ELOVL6: variants seen among roughly 807,000 people sequenced by gnomAD.
ELOVL6 encodes ELOVL fatty acid elongase 6.
ELOVL6 carries 8 observed loss-of-function variants against 31.7 expected under a neutral mutation model. That is an observed-to-expected ratio of 0.25 (90% confidence interval 0.15 to 0.45). ELOVL6 has a LOEUF of 0.45. ELOVL6 is among the 20% of genes least tolerant of loss of function. The pLI is 1.00. For synonymous variants in ELOVL6, 101 were observed against 117.7 expected, an observed-to-expected ratio of 0.86 and a Z score of 0.92; for missense variants, 126 against 326.4, an observed-to-expected ratio of 0.39 and a Z score of 4.73.
chr4:110,184,765 G>A (rs557223665), intron 1 of ELOVL6, among the ~76,000 whole-genome samples: 21 of 152,288 alleles, frequency 1.4e-4, no homozygotes, highest in Admixed American at 7.2e-4. Context: ...GCTGAGCTAT[G>A]TACTGGTCCC....
At chr4:110,197,876 A>C (rs888242423) in intron 1 of ELOVL6, 2 of 275,586 alleles carry the variant, frequency 7.3e-6, no homozygotes, top group South Asian at 4.5e-5. Flanking sequence ...AAGCGAGAAA[A>C]CCCAAATCTA....
At chr4:110,109,934 G>C (rs1469147737) in intron 1 of ELOVL6, among the ~76,000 whole-genome samples, 2 of 152,204 alleles carry the variant, frequency 1.3e-5, no homozygotes, top group Non-Finnish European at 2.9e-5. Flanking sequence ...GGTACAAGGA[G>C]ATGGGAAAGT....
intron 1 of ELOVL6, among the ~76,000 whole-genome samples, chr4:110,158,116 C>G (rs1396564214): frequency 6.6e-6 from 1 of 152,166 alleles, no homozygotes. Context: ...ATATTATGCT[C>G]TTGCCCTTGT....
At position 110,176,864 on chromosome 4, in the gene ELOVL6, T is replaced by A. The variant is rs563480803; in HGVS notation, c.89+21383A>T. 6.0e-4 allele frequency among the ~76,000 whole-genome samples: 92 copies of A among 152,282 alleles called. No individual in the cohort carries two copies. In the East Asian group the frequency reaches 0.014, roughly 23 times the overall value. On this transcript the variant is annotated intron_variant, in intron 1 of 3. Coordinates refer to ENST00000302274, the MANE Select transcript of ELOVL6 (RefSeq NM_024090.3). ...GATTCTCCTGCCTCAGCCTCCCGAG[T>A]AGCTGGGATTACAGGCATGTGCCAC...
At chr4:110,091,803 G>A (rs963751637) in intron 2 of ELOVL6, among the ~76,000 whole-genome samples, 20 of 152,132 alleles carry the variant, frequency 1.3e-4, no homozygotes, top group African/African-American at 4.8e-4. Flanking sequence ...TCAAATGAAA[G>A]GAGCAAAAGA....
At chr4:110,166,463 T>C (rs2126271481) in intron 1 of ELOVL6, among the ~76,000 whole-genome samples, 1 of 152,004 alleles carries the variant, frequency 6.6e-6, no homozygotes, top group South Asian at 2.1e-4. Context: ...AATATAAAAA[T>C]TACCTGGGTG....
chr4:110,148,462 T>C (rs946056282), intron 1 of ELOVL6, among the ~76,000 whole-genome samples: 1 of 122,590 alleles, frequency 8.2e-6, no homozygotes, highest in African/African-American at 3.2e-5. Flanking sequence ...AGTAGAAAGA[T>C]GGTTACCAGA....
intron 1 of ELOVL6, among the ~76,000 whole-genome samples, chr4:110,182,866 C>T (rs1280770160): frequency 6.6e-6 from 1 of 152,070 alleles, no homozygotes; most frequent in Non-Finnish European, 1.5e-5. Flanking sequence ...CAAGATTGCG[C>T]CATTGCACTC....
chr4:110,103,479 A>T (rs1229081343), intron 2 of ELOVL6, among the ~76,000 whole-genome samples: 1 of 152,230 alleles, frequency 6.6e-6, no homozygotes, highest in Non-Finnish European at 1.5e-5. Flanking sequence ...AACCTGATGA[A>T]TATAGACAAA....
At chr4:110,122,988 T>C (rs1170638703) in intron 1 of ELOVL6, among the ~76,000 whole-genome samples, 1 of 152,228 alleles carries the variant, frequency 6.6e-6, no homozygotes, top group African/African-American at 2.4e-5. Context: ...GTAGCACTTG[T>C]CTGTTTGTAT....
intron 2 of ELOVL6, among the ~76,000 whole-genome samples, chr4:110,090,658 G>A (rs1047410484): frequency 7.7e-5 from 11 of 143,100 alleles, no homozygotes; most frequent in Admixed American, 5.8e-4. Flanking sequence ...AGGCTGGAGT[G>A]CAGTGGCATG....
At chr4:110,053,258 C>CAACAA (rs945694293) in intron 3 of ELOVL6, among the ~76,000 whole-genome samples, 6 of 152,218 alleles carry the variant, frequency 3.9e-5, no homozygotes, top group South Asian at 2.1e-4. Flanking sequence ...TAATTAAGCG[C>CAACAA]AACAAAACAA....
intron 1 of ELOVL6, among the ~76,000 whole-genome samples, chr4:110,152,427 C>T (rs79911786): frequency 0.013 from 1,931 of 152,298 alleles, 41 homozygotes; most frequent in African/African-American, 0.044. Flanking sequence ...ACCTCTCTGA[C>T]ACCCAGCTCA....
intron 1 of ELOVL6, among the ~76,000 whole-genome samples, chr4:110,185,315 T>C (rs536594981): frequency 1.0e-3 from 152 of 152,242 alleles, no homozygotes; most frequent in Non-Finnish European, 1.8e-3. Context: ...TTAAATTTTG[T>C]AGAATGTCAT....
chr4:110,075,131 T>C (rs1755593704), intron 2 of ELOVL6, among the ~76,000 whole-genome samples: 1 of 152,130 alleles, frequency 6.6e-6, no homozygotes, highest in African/African-American at 2.4e-5. Flanking sequence ...TAATTACTGT[T>C]AGGATGTGGA....
chr4:110,136,851 G>T (rs1757827326), intron 1 of ELOVL6, among the ~76,000 whole-genome samples: 1 of 152,072 alleles, frequency 6.6e-6, no homozygotes, highest in African/African-American at 2.4e-5. Flanking sequence ...GAGTGAGAAA[G>T]GTGGAAGTGG....
intron 1 of ELOVL6, among the ~76,000 whole-genome samples, chr4:110,114,411 T>C (rs1036134960): frequency 2.6e-5 from 4 of 152,176 alleles, no homozygotes. Context: ...AATCTCAAGA[T>C]TGGAACAGAC....
intron 1 of ELOVL6, among the ~76,000 whole-genome samples, chr4:110,109,021 T>G (rs1756959768): frequency 6.6e-6 from 1 of 152,226 alleles, no homozygotes; most frequent in Non-Finnish European, 1.5e-5. Flanking sequence ...CAGGACAATT[T>G]AAATGAATTA....
rs1244097111 is a variant in ELOVL6, at chr4:110,084,450, ATATAT to A, written c.221+21042_221+21046del. Among the ~76,000 whole-genome samples, 307 of 120,380 alleles carry A rather than the reference ATATAT, an allele frequency of 2.6e-3. 6 individuals are homozygous for A. The highest frequency in any genetic ancestry group is 0.011 in the African/African-American group (298 of 27,280). 79.0% of individuals were successfully genotyped at this position (120,380 alleles called of 152,430 possible). ...ACATATATCATATATGATATATCGC[ATATAT>A]CATATATGATATATAACAATATACA... On this transcript the variant is annotated intron_variant, in intron 2 of 3. Transcript: ENST00000302274.
Sources: allele counts gnomAD v4.1 joint callset (sites outside exome capture counted in the v4.1 genomes callset), GRCh38; gene constraint gnomAD v4.1.1; transcripts MANE v1.5; gene names NCBI Gene and HGNC (gene_info 2026-07-23, HGNC 2026-07-21).